FBXL17: variants seen among roughly 807,000 people sequenced by gnomAD.
FBXL17 encodes F-box/LRR-repeat protein 17.
A neutral mutation model predicts 66.2 loss-of-function variants in FBXL17; 22 were observed. That is an observed-to-expected ratio of 0.33 (90% CI 0.24 to 0.47). The LOEUF (loss-of-function observed/expected upper bound fraction) is 0.47. Ranked by LOEUF, FBXL17 falls within the 20% of genes least tolerant of loss-of-function variation. FBXL17 has a pLI of 1.00. For missense variants in FBXL17, 878 were observed against 948.2 expected (o/e 0.93, Z 0.97); for synonymous variants, 474 against 400.5 (o/e 1.18, Z -2.19).
intron 8 of FBXL17, among the ~76,000 whole-genome samples, chr5:107,868,168 C>T (rs1748338058): frequency 6.6e-6 from 1 of 152,158 alleles, no homozygotes. Flanking sequence ...GAATTCAGGA[C>T]CCCAGCACAC....
rs1554067337 is a variant in FBXL17 at position 108,126,673 on chromosome 5, A to ATG, written c.1745+59443_1745+59444insCA. ...TCTCTATATATATATACATATATATATATATATATATACACACATACATAA... is the reference window on the plus strand; with the variant it reads ...TCTCTATATATATATACATATATATATGTATATATATATACACACATACATAA... On this transcript the variant is annotated intron_variant, in intron 6 of 8. Transcript: ENST00000542267. Among the ~76,000 whole-genome samples the ATG allele has an allele frequency of 7.7e-5, 10 of 129,214 alleles. 1 individual carries two copies. The highest frequency in any genetic ancestry group is 2.6e-4 in the African/African-American group (10 of 38,294). 84.8% of individuals were successfully genotyped at this position (129,214 alleles called of 152,430 possible).
intron 6 of FBXL17, among the ~76,000 whole-genome samples, chr5:108,161,204 C>G (rs1752204287): frequency 8.3e-6 from 1 of 120,172 alleles, no homozygotes; most frequent in African/African-American, 3.4e-5. Context: ...ATACCCCAGC[C>G]CAGCGCAGTG....
intron 6 of FBXL17, among the ~76,000 whole-genome samples, chr5:108,030,390 C>T (rs1222272383): frequency 2.6e-5 from 4 of 152,056 alleles, no homozygotes; most frequent in Non-Finnish European, 5.9e-5. Flanking sequence ...TAAGTAAACA[C>T]GGAGAAAGGA....
chr5:108,127,938 A>G (rs1202933897), intron 6 of FBXL17, among the ~76,000 whole-genome samples: 2 of 152,116 alleles, frequency 1.3e-5, no homozygotes, highest in African/African-American at 4.8e-5. Context: ...TTTTCTCTAC[A>G]TATCAGTTAA....
At chr5:108,353,993 T>G (rs1747804691) in intron 3 of FBXL17, among the ~76,000 whole-genome samples, 1 of 152,170 alleles carries the variant, frequency 6.6e-6, no homozygotes, top group South Asian at 2.1e-4. Flanking sequence ...TTTTGAATAT[T>G]TGCATTACAT....
chr5:108,131,662 T>C (rs1050566877), intron 6 of FBXL17, among the ~76,000 whole-genome samples: 2 of 152,102 alleles, frequency 1.3e-5, no homozygotes, highest in African/African-American at 4.8e-5. Context: ...ACAGAGGAAA[T>C]TTCAAACACT....
At chr5:108,261,728 GT>G (rs1756828922) in intron 4 of FBXL17, among the ~76,000 whole-genome samples, 1 of 151,888 alleles carries the variant, frequency 6.6e-6, no homozygotes. Context: ...ACCTGTTATT[GT>G]CTTAAAAACT....
chr5:107,879,473 G>A, intron 8 of FBXL17: 5 of 985,440 alleles, frequency 5.1e-6, no homozygotes, highest in Non-Finnish European at 6.0e-6. Flanking sequence ...CAGTGCTGTT[G>A]CTTAGTTACA....
chr5:108,337,391 C>G (rs776583373), intron 4 of FBXL17, among the ~76,000 whole-genome samples: 9 of 151,982 alleles, frequency 5.9e-5, no homozygotes, highest in Admixed American at 1.3e-4. Context: ...TTAAGAAGTT[C>G]TAACAACTAT....
chr5:108,354,526 G>T (rs1747843095), intron 3 of FBXL17, among the ~76,000 whole-genome samples: 2 of 151,842 alleles, frequency 1.3e-5, no homozygotes, highest in Admixed American at 1.3e-4. Flanking sequence ...AGTGAAAAGT[G>T]AATACCAAGA....
intron 6 of FBXL17, among the ~76,000 whole-genome samples, chr5:108,055,633 A>C (rs1275606391): frequency 2.1e-5 from 3 of 145,458 alleles, no homozygotes; most frequent in Non-Finnish European, 4.5e-5. Flanking sequence ...AAAAAAAAAG[A>C]GAGAAAAAAC....
At chr5:107,873,341 G>A (rs931576683) in intron 8 of FBXL17, among the ~76,000 whole-genome samples, 4 of 152,184 alleles carry the variant, frequency 2.6e-5, no homozygotes, top group African/African-American at 4.8e-5. Flanking sequence ...CTTGTTCACT[G>A]TTTTTTCTGA....
At chr5:108,147,010 G>A (rs1039725517) in intron 6 of FBXL17, among the ~76,000 whole-genome samples, 2 of 152,166 alleles carry the variant, frequency 1.3e-5, no homozygotes, top group Admixed American at 1.3e-4. Flanking sequence ...CTTCATAGAA[G>A]GTGCCTTGCT....
intron 4 of FBXL17, among the ~76,000 whole-genome samples, chr5:108,330,185 T>C (rs929478852): frequency 6.6e-5 from 10 of 152,188 alleles, no homozygotes; most frequent in African/African-American, 2.2e-4. Context: ...TAGCTTTCAA[T>C]ATAGTTTTCT....
intron 4 of FBXL17, among the ~76,000 whole-genome samples, chr5:108,252,637 T>C (rs1276822491): frequency 6.6e-6 from 1 of 152,124 alleles, no homozygotes; most frequent in Non-Finnish European, 1.5e-5. Flanking sequence ...CCTAGGAACC[T>C]AATACCATTT....
At chr5:108,235,903 A>G (rs1188239435) in intron 4 of FBXL17, among the ~76,000 whole-genome samples, 7 of 152,212 alleles carry the variant, frequency 4.6e-5, no homozygotes, top group Non-Finnish European at 5.9e-5. Context: ...TTTTTGATGC[A>G]AAGAAAAACA....
chr5:108,010,572 C>T (rs1015935733), intron 7 of FBXL17, among the ~76,000 whole-genome samples: 13 of 152,090 alleles, frequency 8.5e-5, no homozygotes, highest in Admixed American at 7.2e-4. Flanking sequence ...ATGTAAGATT[C>T]GGGATGTAGC....
intron 4 of FBXL17, among the ~76,000 whole-genome samples, chr5:108,237,606 T>G (rs977877409): frequency 8.5e-5 from 13 of 152,272 alleles, no homozygotes; most frequent in African/African-American, 3.1e-4. Flanking sequence ...GGTCCATGAC[T>G]GATGGAGTCA....
intron 6 of FBXL17, among the ~76,000 whole-genome samples, chr5:108,151,089 A>G (rs1751756238): frequency 6.6e-6 from 1 of 152,154 alleles, no homozygotes; most frequent in African/African-American, 2.4e-5. Flanking sequence ...TAGTTTTAGC[A>G]TAACAGTCTG....
Sources: gnomAD v4.1 joint callset for allele counts (sites outside exome capture counted in the v4.1 genomes callset) on GRCh38, gnomAD v4.1.1 for gene constraint, MANE v1.5 for transcripts, NCBI Gene and HGNC (gene_info 2026-07-23, HGNC 2026-07-21) for gene names.